The following TPPP variants were observed in gnomAD, a reference collection of about 807,000 sequenced individuals.
TPPP encodes the protein tubulin polymerization promoting protein.
TPPP carries 6 observed loss-of-function variants against 15.5 expected under a neutral mutation model. The observed-to-expected ratio is 0.39, with a 90% CI of 0.21 to 0.77. TPPP has a LOEUF of 0.77. Among genes scored for constraint, TPPP ranks in the 30% least tolerant of loss-of-function variants. The probability of loss-of-function intolerance (pLI) is 0.42; values close to 1 mark genes in which losing one functional copy is unlikely to be tolerated. For missense variants in TPPP, 269 were observed against 307.2 expected (o/e 0.88, Z 0.93); for synonymous variants, 146 against 133.9 (o/e 1.09, Z -0.63).
the TPPP span, among the ~76,000 whole-genome samples, chr5:698,949 A>G: frequency 3.7e-4 from 57 of 152,124 alleles, no homozygotes; most frequent in Non-Finnish European, 6.2e-4. Flanking sequence ...CTAGATATAT[A>G]TTTAACCAAG....
At chr5:699,580 C>T in the TPPP span, among the ~76,000 whole-genome samples, 3 of 152,154 alleles carry the variant, frequency 2.0e-5, no homozygotes, top group East Asian at 3.9e-4. Flanking sequence ...ATGAACAAGT[C>T]CTCAAGAGCA....
intron 1 of TPPP, among the ~76,000 whole-genome samples, chr5:681,860 G>A (rs917275335): frequency 6.6e-6 from 1 of 152,220 alleles, no homozygotes; most frequent in Admixed American, 6.5e-5. Flanking sequence ...CCCAGAGGGT[G>A]GCTGTCCTAG....
intron 1 of TPPP, among the ~76,000 whole-genome samples, chr5:692,236 T>C (rs75929648): frequency 3.6e-4 from 13 of 35,812 alleles, no homozygotes; most frequent in East Asian, 1.1e-3. Context: ...AACAGTAGCC[T>C]CCCAACCACC....
chr5:699,486 C>G, the TPPP span, among the ~76,000 whole-genome samples: 2 of 152,072 alleles, frequency 1.3e-5, no homozygotes, highest in African/African-American at 2.4e-5. Context: ...GATTGAAGAC[C>G]TAAACATAGG....
intron 1 of TPPP, among the ~76,000 whole-genome samples, chr5:684,311 G>A (rs1029614417): frequency 2.6e-5 from 4 of 152,224 alleles, no homozygotes; most frequent in Admixed American, 1.3e-4. Context: ...ACAGCCCCAA[G>A]GGAGACCTTG....
At chr5:679,506 C>T (rs13176985) in intron 1 of TPPP, among the ~76,000 whole-genome samples, 5 of 151,684 alleles carry the variant, frequency 3.3e-5, no homozygotes, top group Non-Finnish European at 1.5e-5. Flanking sequence ...TCGCTGACAC[C>T]ATTTCTTTGT....
At chr5:692,355 A>C (rs1247456473) in intron 1 of TPPP, among the ~76,000 whole-genome samples, 1 of 76,440 alleles carries the variant, frequency 1.3e-5, no homozygotes, top group Non-Finnish European at 2.4e-5. Context: ...CAACCCTATC[A>C]AAACAGCAGC....
chr5:670,224 C>T (rs918695491), intron 2 of TPPP, among the ~76,000 whole-genome samples: 50 of 152,116 alleles, frequency 3.3e-4, no homozygotes, highest in African/African-American at 1.1e-3. Context: ...CCGCTGGGCT[C>T]GGGACTGTGC....
At position 664,166 on chromosome 5, in the gene TPPP, G is replaced by C. The variant is rs1739801171; in HGVS notation, c.*936C>G. ...AGAAGGTGCTTGGGCTGTGGCAATG[G>C]GAGGTCTGCGAGCAAACAGGGTGCA... is the stretch of plus-strand genomic sequence containing the variant. On this transcript the variant is annotated 3_prime_UTR_variant, in exon 4 of 4. Transcript: ENST00000360578. 1.3e-5 allele frequency: 2 copies of C among 152,722 alleles called. No homozygotes were observed. Among genetic ancestry groups the C allele is most frequent in the Admixed American group, 1.3e-4 (2 of 15,284 alleles). The allele number at this position is 152,722 out of a possible 1,614,324, so 9.5% of individuals were successfully genotyped here.
intron 1 of TPPP, among the ~76,000 whole-genome samples, chr5:684,518 C>G (rs989579010): frequency 2.6e-5 from 4 of 152,006 alleles, no homozygotes; most frequent in Admixed American, 2.6e-4. Flanking sequence ...AAAAGCCACT[C>G]TCACAGCGGA....
chr5:696,563 C>A (rs1226091743), upstream of TPPP, among the ~76,000 whole-genome samples: 113 of 141,554 alleles, frequency 8.0e-4, no homozygotes, highest in African/African-American at 2.8e-3. Flanking sequence ...GGGCTGGGGA[C>A]AAGCTACAGC....
Position 688,391 on chromosome 5 carries a change from C to T in TPPP, c.-5+4887G>A, listed in dbSNP as rs1284983338. Among the ~76,000 whole-genome samples, 8 of 145,154 alleles carry T rather than the reference C, an allele frequency of 5.5e-5. 1 individual carries two copies. Among genetic ancestry groups the T allele is most frequent in the Non-Finnish European group, 1.2e-4 (8 of 64,276 alleles). ...CTCGACGCAGTGTGGACGGACCACTCGCGCACAGTATTGATCCACGTTAGC... is the reference window on the plus strand; with the variant it reads ...CTCGACGCAGTGTGGACGGACCACTTGCGCACAGTATTGATCCACGTTAGC... On this transcript the variant is annotated intron_variant, in intron 1 of 3. Transcript: ENST00000360578.
rs1261958341 is a variant in TPPP at position 662,976 on chromosome 5, CCGA to C, written c.*2123_*2125del. 1.4e-4 allele frequency: 21 copies of C among 149,872 alleles called. No homozygotes were observed. The highest frequency in any genetic ancestry group is 5.7e-4 in the African/African-American group (21 of 37,150). The allele number at this position is 149,872 out of a possible 1,614,324, so 9.3% of individuals were successfully genotyped here. On this transcript the variant is annotated 3_prime_UTR_variant, in exon 4 of 4. Transcript: ENST00000360578. ...ACTGCTCGTCTGTGATCGGGTGATT[CCGA>C]TGACTGCTCGTCTGTGATCGGGCGA...
At chr5:671,940 G>A (rs1740238357) in intron 2 of TPPP, among the ~76,000 whole-genome samples, 1 of 152,224 alleles carries the variant, frequency 6.6e-6, no homozygotes, top group African/African-American at 2.4e-5. Flanking sequence ...GCAGCCCTGA[G>A]GCTCCTGGCC....
intron 1 of TPPP, among the ~76,000 whole-genome samples, chr5:684,386 C>A (rs1357330039): frequency 2.0e-5 from 3 of 152,272 alleles, no homozygotes; most frequent in South Asian, 2.1e-4. Context: ...GGGCCCACGC[C>A]GTGTGGTCCT....
the TPPP span, among the ~76,000 whole-genome samples, chr5:698,427 T>C: frequency 1.3e-5 from 2 of 152,022 alleles, no homozygotes; most frequent in South Asian, 2.1e-4. Flanking sequence ...TGAAGACTTG[T>C]ATCACTGCTG....
intron 1 of TPPP, among the ~76,000 whole-genome samples, chr5:685,042 G>T (rs1359382022): frequency 1.3e-5 from 2 of 152,326 alleles, no homozygotes; most frequent in Non-Finnish European, 2.9e-5. Flanking sequence ...GTCCTGAAAG[G>T]TCACGGTCCT....
Position 664,906 on chromosome 5 carries a change from T to C in TPPP, c.*196A>G. 1.6e-6 allele frequency: 1 copy of C among 612,776 alleles called. No individual in the cohort carries two copies. Among genetic ancestry groups the C allele is most frequent in the South Asian group, 2.0e-5 (1 of 49,042 alleles). The allele number at this position is 612,776 out of a possible 1,614,324, so 38.0% of individuals were successfully genotyped here. On this transcript the variant is annotated 3_prime_UTR_variant, in exon 4 of 4. Coordinates refer to ENST00000360578, the MANE Select transcript of TPPP (RefSeq NM_007030.3). The stretch of plus-strand genomic sequence containing the variant: ...GGGTCAGCGAACTGGGGCCCAAACC[T>C]GGTTTGAGAGGGGAGTGCTGGGGGC...
intron 1 of TPPP, among the ~76,000 whole-genome samples, chr5:683,474 G>A (rs1740683612): frequency 6.6e-6 from 1 of 152,220 alleles, no homozygotes. Flanking sequence ...GTGCCCTGGA[G>A]AACTCCCTGT....
Sources: allele counts gnomAD v4.1 joint callset (sites outside exome capture counted in the v4.1 genomes callset), GRCh38; gene constraint gnomAD v4.1.1; transcripts MANE v1.5; gene names NCBI Gene and HGNC (gene_info 2026-07-23, HGNC 2026-07-21).